Variants in DEF8 observed in about 807,000 individuals in gnomAD.
The protein encoded by DEF8 is DEF-8.
DEF8 carries 38 observed loss-of-function variants against 59.1 expected under a neutral mutation model. That is an observed-to-expected ratio of 0.64 (90% CI 0.50 to 0.84). DEF8 has a LOEUF of 0.84. DEF8 is among the 40% of genes least tolerant of loss of function. DEF8 has a pLI of 0.00. For missense variants in DEF8, 557 were observed against 615.2 expected, an observed-to-expected ratio of 0.91 and a Z score of 1.00; for synonymous variants, 265 against 250.1, an observed-to-expected ratio of 1.06 and a Z score of -0.56.
Position 89,963,628 on chromosome 16 carries a change from C to T in DEF8, c.1002+185C>T, listed in dbSNP as rs1597527961. 2.0e-5 allele frequency among the ~76,000 whole-genome samples: 3 copies of T among 152,242 alleles called. No homozygotes were observed. The East Asian group carries it at 5.8e-4, about 30-fold the overall frequency. On this transcript the variant is annotated intron_variant, in intron 10 of 12. Transcript: ENST00000563594. Reference sequence around the variant, plus strand: ...TACAAAAGAGTTCTCCAGTCAGTTCCGTTTGGCAAACCCTGCAGCCCTTAT... The same window carrying T: ...TACAAAAGAGTTCTCCAGTCAGTTCTGTTTGGCAAACCCTGCAGCCCTTAT...
Position 89,965,918 on chromosome 16 carries a change from G to T in DEF8, c.1311G>T (p.Arg437Ser), listed in dbSNP as rs1316046028. ...TCPKCARLSL[R>S]KQSLFQEPGP... ...CCAAGTGTGCCCGGCTCAGCCTGAG[G>T]AAGCAGTCGCTCTTCCAGGAGCCAG... The change falls in exon 13 of 13, where the codon AGG becomes AGT. Residue 437 changes from arginine to serine, a missense_variant. Physicochemically the swap from Arg to Ser is moderately radical, Grantham distance 110. Coordinates refer to ENST00000563594, the MANE Select transcript of DEF8 (RefSeq NM_001242818.2). 9.3e-6 allele frequency: 15 copies of T among 1,613,754 alleles called. No homozygotes were observed. Among genetic ancestry groups the T allele is most frequent in the African/African-American group, 1.3e-5 (1 of 75,044 alleles).
chr16:89,949,581 C>G, intron 2 of DEF8, 68 bp downstream of exon 2: 1 of 1,613,322 alleles, frequency 6.2e-7, no homozygotes, highest in South Asian at 1.1e-5. Context: ...GGGGTGGCAG[C>G]TGCAGTGATG....
At chr16:89,959,641 C>G (rs80220635) in intron 6 of DEF8, among the ~76,000 whole-genome samples, 7,504 of 152,258 alleles carry the variant, frequency 0.049, 353 homozygotes, top group East Asian at 0.25. Context: ...ACTACAGGTG[C>G]CCGCCACCAC....
rs1471775603 is a variant in DEF8, at chr16:89,963,370, G to T, written c.929G>T (p.Arg310Leu). The change falls in exon 10 of 13, where the codon CGC becomes CTC. Residue 310 changes from arginine to leucine, a missense_variant. Physicochemically the swap from Arg to Leu is moderately radical, Grantham distance 102. Transcript: ENST00000563594. Reference protein sequence around the residue: ...VEELVEIRKLRQDILLMKPYF... With the variant: ...VEELVEIRKLLQDILLMKPYF... ...CTCCCGCCTTGTTTGCAGAAGCTGC[G>T]CCAGGACATCCTGCTCATGAAGCCG... 1.9e-6 allele frequency: 3 copies of T among 1,613,418 alleles called. No homozygotes were observed. The highest frequency in any genetic ancestry group is 2.5e-6 in the Non-Finnish European group (3 of 1,179,770).
intron 5 of DEF8, 84 bp from the exon 6 acceptor site, chr16:89,958,930 G>T: frequency 6.4e-7 from 1 of 1,560,166 alleles, no homozygotes; most frequent in Non-Finnish European, 8.6e-7. Flanking sequence ...GTGCCTGGAA[G>T]AAATAAGTTG....
rs1407573738 is a variant in DEF8, at chr16:89,949,496, C to T, written c.-28C>T. ...CATCCTGTCCCTGCGAGCCCCTGGG[C>T]CCTGGCAGGCGATGCAGGTATGGGC... On this transcript the variant is annotated 5_prime_UTR_variant, in exon 2 of 13. Coordinates refer to ENST00000563594, the MANE Select transcript of DEF8 (RefSeq NM_001242818.2). The T allele has an allele frequency of 5.6e-6, 9 of 1,612,948 alleles. No individual in the cohort carries two copies. The East Asian group carries it at 6.7e-5, about 12-fold the overall frequency.
At chr16:89,963,276 C>A in intron 9 of DEF8, 87 bp from the exon 10 acceptor site, 1 of 1,168,420 alleles carries the variant, frequency 8.6e-7, no homozygotes, top group Non-Finnish European at 1.2e-6. Flanking sequence ...CCCTCCTGGC[C>A]CTGCCGTGGC....
chr16:89,959,507 G>A, intron 6 of DEF8: 1 of 479,804 alleles, frequency 2.1e-6, no homozygotes, highest in Non-Finnish European at 3.3e-6. Context: ...GTTTGGTTTT[G>A]TTTTTGAGAC....
At chr16:89,960,841 C>T in intron 6 of DEF8, 90 bp from the exon 7 acceptor site, 3 of 1,413,042 alleles carry the variant, frequency 2.1e-6, no homozygotes, top group Non-Finnish European at 2.9e-6. Flanking sequence ...CAGAGTGGAA[C>T]CCACGGGGAG....
At chr16:89,952,752 G>C (rs569653945) in intron 2 of DEF8, 2 of 152,372 alleles carry the variant, frequency 1.3e-5, no homozygotes, top group South Asian at 4.1e-4. Flanking sequence ...CTCCCTGTTG[G>C]GGTCCACGGG....
At chr16:89,950,619 C>T (rs1429423498) in intron 2 of DEF8, among the ~76,000 whole-genome samples, 1 of 152,110 alleles carries the variant, frequency 6.6e-6, no homozygotes, top group Non-Finnish European at 1.5e-5. Flanking sequence ...GAACTCTTGA[C>T]CTCAAATGAT....
chr16:89,955,680 A>C (rs1179948830), intron 4 of DEF8, among the ~76,000 whole-genome samples: 3 of 151,876 alleles, frequency 2.0e-5, no homozygotes, highest in African/African-American at 7.3e-5. Flanking sequence ...CCTCGTACTG[A>C]CCAGTCGGTA....
intron 2 of DEF8, among the ~76,000 whole-genome samples, chr16:89,949,817 C>T (rs1022903169): frequency 6.6e-6 from 1 of 152,228 alleles, no homozygotes; most frequent in Non-Finnish European, 1.5e-5. Context: ...CTTCCACTTC[C>T]TGCCCGCTCC....
intron 9 of DEF8, among the ~76,000 whole-genome samples, chr16:89,962,666 T>A (rs896125901): frequency 6.6e-6 from 1 of 152,212 alleles, no homozygotes; most frequent in African/African-American, 2.4e-5. Context: ...CAAAAAAAAG[T>A]AAAAAGAAAC....
Position 89,961,095 on chromosome 16 carries a change from C to A in DEF8, c.679C>A (p.Arg227=). ...CGAGTGCCGGGCGCCCATCTCTCTG[C>A]GTGAGTGGTGGCAGGGAGAGAAGAG... ...CAECRAPISL[R]GVPSEARQCD... is the part of the protein sequence containing the mutation. The change falls in exon 7 of 13, where the codon CGG becomes AGG. Residue 227 remains arginine, a splice_region_variant and synonymous_variant. Coordinates refer to ENST00000563594, the MANE Select transcript of DEF8 (RefSeq NM_001242818.2). 6.2e-7 allele frequency: 1 copy of A among 1,609,016 alleles called. No homozygotes were observed.
intron 2 of DEF8, among the ~76,000 whole-genome samples, chr16:89,950,669 G>T (rs956070282): frequency 6.6e-6 from 1 of 152,060 alleles, no homozygotes. Context: ...ACCACACACC[G>T]GCCATGATTC....
At chr16:89,959,574 A>G (rs2033745519) in intron 6 of DEF8, among the ~76,000 whole-genome samples, 1 of 152,220 alleles carries the variant, frequency 6.6e-6, no homozygotes, top group Non-Finnish European at 1.5e-5. Flanking sequence ...AGCTCACTGC[A>G]AGCTCCACCT....
chr16:89,949,692 G>C lies in DEF8; in HGVS notation c.-11+179G>C, dbSNP rs568784467. ...CGGCCCAGGGTCCCTCCGTGCCCCG[G>C]AACCCCGCCGGCTTTCTTCGGCTTC... On this transcript the variant is annotated intron_variant, in intron 2 of 12. Transcript: ENST00000563594. 39 of 1,514,554 alleles carry C rather than the reference G, an allele frequency of 2.6e-5. No homozygotes were observed. In the African/African-American group the frequency reaches 4.9e-4, roughly 19 times the overall value. The allele number at this position is 1,514,554 out of a possible 1,614,324, so 93.8% of individuals were successfully genotyped here.
chr16:89,965,512 G>A (rs184204653), intron 12 of DEF8, among the ~76,000 whole-genome samples: 27 of 152,302 alleles, frequency 1.8e-4, no homozygotes, highest in Middle Eastern at 6.8e-3. Context: ...CCAGGGTGCC[G>A]TGATGTACAG....
Sources: allele counts gnomAD v4.1 joint callset (sites outside exome capture counted in the v4.1 genomes callset), GRCh38; gene constraint gnomAD v4.1.1; transcripts MANE v1.5; gene names NCBI Gene and HGNC (gene_info 2026-07-23, HGNC 2026-07-21).